The following PACRG variants were observed in gnomAD, a reference collection of about 807,000 sequenced individuals.
PACRG encodes parkin coregulated gene protein.
PACRG carries 29 observed loss-of-function variants against 29.7 expected under a neutral mutation model. The observed-to-expected ratio is 0.98, with a 90% confidence interval of 0.73 to 1.33. The LOEUF is 1.33. Ranked by LOEUF, PACRG falls within the 40% of genes most tolerant of loss-of-function variation. The pLI is 0.00. For missense variants in PACRG, 279 were observed against 316.2 expected, an observed-to-expected ratio of 0.88 and a Z score of 0.89; for synonymous variants, 116 against 118.7, an observed-to-expected ratio of 0.98 and a Z score of 0.15.
intron 1 of PACRG, among the ~76,000 whole-genome samples, chr6:162,803,474 G>T (rs896588683): frequency 2.0e-5 from 3 of 152,126 alleles, no homozygotes; most frequent in Admixed American, 6.5e-5. Flanking sequence ...TATTCATTGT[G>T]CAGCACACAG....
At chr6:163,036,012 T>C (rs952469541) in intron 2 of PACRG, among the ~76,000 whole-genome samples, 4 of 152,106 alleles carry the variant, frequency 2.6e-5, no homozygotes, top group African/African-American at 9.7e-5. Context: ...TCGATGATTT[T>C]AACTTTAATA....
At chr6:163,246,453 G>T (rs766374401) in intron 4 of PACRG, among the ~76,000 whole-genome samples, 3 of 151,828 alleles carry the variant, frequency 2.0e-5, no homozygotes, top group Non-Finnish European at 4.4e-5. Flanking sequence ...AGACCTACAG[G>T]CTCAGGCACA....
intron 4 of PACRG, among the ~76,000 whole-genome samples, chr6:163,256,850 T>A (rs994762033): frequency 1.3e-5 from 2 of 152,176 alleles, no homozygotes; most frequent in African/African-American, 4.8e-5. Context: ...CTCTCACAGT[T>A]GCAGAGGCCA....
Position 163,198,872 on chromosome 6 carries a change from A to G in PACRG, c.613+109464A>G, listed in dbSNP as rs553054226. 2.0e-5 allele frequency among the ~76,000 whole-genome samples: 3 copies of G among 152,306 alleles called. No individual in the cohort carries two copies. In the East Asian group the frequency reaches 5.8e-4, roughly 29 times the overall value. On this transcript the variant is annotated intron_variant, in intron 4 of 4. Transcript: ENST00000366888. The stretch of plus-strand genomic sequence containing the variant: ...AGGGAGACACGAGACATCAGTCAGT[A>G]CATGTGAGAAGTACACTGGTTTGGT...
At chr6:162,890,988 C>T (rs2128039260) in intron 2 of PACRG, among the ~76,000 whole-genome samples, 1 of 152,310 alleles carries the variant, frequency 6.6e-6, no homozygotes, top group South Asian at 2.1e-4. Flanking sequence ...GCAAAGCAGC[C>T]ATCAGCTTAT....
chr6:163,024,823 T>G (rs2128223259), intron 2 of PACRG, among the ~76,000 whole-genome samples: 1 of 152,220 alleles, frequency 6.6e-6, no homozygotes, highest in South Asian at 2.1e-4. Flanking sequence ...ACAAAATTCC[T>G]CAACAAAATG....
intron 4 of PACRG, among the ~76,000 whole-genome samples, chr6:163,258,910 G>A (rs1223002571): frequency 6.6e-6 from 1 of 152,150 alleles, no homozygotes; most frequent in East Asian, 1.9e-4. Flanking sequence ...TGATAAAAAT[G>A]TGTTTATGAA....
chr6:163,182,344 C>G (rs2128354637), intron 4 of PACRG, among the ~76,000 whole-genome samples: 1 of 152,284 alleles, frequency 6.6e-6, no homozygotes, highest in South Asian at 2.1e-4. Flanking sequence ...GTTTGTTTTA[C>G]TTTATTCTAG....
chr6:163,239,098 A>G (rs1252615427), intron 4 of PACRG, among the ~76,000 whole-genome samples: 2 of 152,246 alleles, frequency 1.3e-5, no homozygotes, highest in Non-Finnish European at 2.9e-5. Context: ...TCACCTCGAT[A>G]AATTACTGAA....
rs1562349212 is a variant in PACRG at position 163,269,798 on chromosome 6, AAGG to A, written c.614-45027_614-45025del. ...ACAGACAGACAGAAAGAAAGAAAGG[AAGG>A]AAGGAAGGAAGGAAGGAAGGAGAAA... is the stretch of plus-strand genomic sequence containing the variant. On this transcript the variant is annotated intron_variant, in intron 4 of 4. Coordinates refer to ENST00000366888, the MANE Select transcript of PACRG (RefSeq NM_001080379.2). Among the ~76,000 whole-genome samples, 377 of 108,694 alleles carry A rather than the reference AAGG, an allele frequency of 3.5e-3. 45 individuals are homozygous for A. The highest frequency in any genetic ancestry group is 0.014 in the African/African-American group (364 of 26,950). 71.3% of individuals were successfully genotyped at this position (108,694 alleles called of 152,430 possible).
At chr6:163,195,687 C>G (rs1358498703) in intron 4 of PACRG, among the ~76,000 whole-genome samples, 1 of 152,202 alleles carries the variant, frequency 6.6e-6, no homozygotes, top group Admixed American at 6.5e-5. Flanking sequence ...CGCCCGACCC[C>G]CCTCTCAGCC....
rs751747051 is a variant in PACRG at position 163,283,032 on chromosome 6, G to A, written c.614-31795G>A. ...TTTTACTACTGATTCTTGGCATTCTGTGTCTTTTGTGTATGTATAATTTAA... is the reference window on the plus strand; with the variant it reads ...TTTTACTACTGATTCTTGGCATTCTATGTCTTTTGTGTATGTATAATTTAA... On this transcript the variant is annotated intron_variant, in intron 4 of 4. Transcript: ENST00000366888. 2.6e-4 allele frequency among the ~76,000 whole-genome samples: 39 copies of A among 152,320 alleles called. 1 individual carries two copies. Among genetic ancestry groups the A allele is most frequent in the East Asian group, 3.9e-4 (2 of 5,180 alleles).
intron 3 of PACRG, among the ~76,000 whole-genome samples, chr6:163,082,854 A>G (rs1004766005): frequency 3.9e-5 from 6 of 152,198 alleles, no homozygotes; most frequent in Non-Finnish European, 8.8e-5. Flanking sequence ...ATTGTTTCTA[A>G]TTATCAATAA....
At chr6:163,226,430 G>A (rs4709685) in intron 4 of PACRG, among the ~76,000 whole-genome samples, 111,757 of 152,234 alleles carry the variant, frequency 0.73, 41,474 homozygotes, top group African/African-American at 0.83. Context: ...CACAGGGTAT[G>A]GCGTACATGT....
intron 4 of PACRG, among the ~76,000 whole-genome samples, chr6:163,284,580 C>A (rs1784329066): frequency 6.6e-6 from 1 of 152,198 alleles, no homozygotes; most frequent in South Asian, 2.1e-4. Flanking sequence ...TTAAAACCAT[C>A]TTATTCTAGA....
intron 2 of PACRG, among the ~76,000 whole-genome samples, chr6:163,025,922 T>G (rs1351842704): frequency 6.6e-6 from 1 of 152,232 alleles, no homozygotes; most frequent in Non-Finnish European, 1.5e-5. Context: ...GTTCTAAAGC[T>G]TTAGCTGTAA....
intron 2 of PACRG, among the ~76,000 whole-genome samples, chr6:162,849,528 G>T (rs1361888913): frequency 6.6e-6 from 1 of 152,222 alleles, no homozygotes; most frequent in Non-Finnish European, 1.5e-5. Context: ...ATGATAACCA[G>T]CTGATATGGG....
At chr6:162,765,976 A>G (rs1346011419) in intron 1 of PACRG, among the ~76,000 whole-genome samples, 1 of 152,186 alleles carries the variant, frequency 6.6e-6, no homozygotes, top group African/African-American at 2.4e-5. Context: ...CTTACAGAGT[A>G]CAATGTCATG....
At chr6:162,898,546 C>T (rs924208704) in intron 2 of PACRG, among the ~76,000 whole-genome samples, 10 of 152,262 alleles carry the variant, frequency 6.6e-5, no homozygotes, top group East Asian at 5.8e-4. Context: ...GGCTCTGGAG[C>T]GATATTCCCT....
Sources: allele counts gnomAD v4.1 joint callset (sites outside exome capture counted in the v4.1 genomes callset), GRCh38; gene constraint gnomAD v4.1.1; transcripts MANE v1.5; gene names NCBI Gene and HGNC (gene_info 2026-07-23, HGNC 2026-07-21).